The following ARHGAP12 variants were observed in gnomAD, a reference collection of about 807,000 sequenced individuals.
ARHGAP12 encodes Rho GTPase activating protein 12.
Under a neutral mutation model 108.6 loss-of-function variants are expected in ARHGAP12, and 64 were observed. That is an observed-to-expected ratio of 0.59 (90% confidence interval 0.48 to 0.73). ARHGAP12 has a LOEUF of 0.73. Among genes scored for constraint, ARHGAP12 ranks in the 30% least tolerant of loss-of-function variants. The pLI is 0.00. For missense variants in ARHGAP12, 940 were observed against 1,005.9 expected, an observed-to-expected ratio of 0.93 and a Z score of 0.89; for synonymous variants, 312 against 337.2, an observed-to-expected ratio of 0.93 and a Z score of 0.82.
At chr10:31,823,476 CA>C (rs529281463) in intron 11 of ARHGAP12, among the ~76,000 whole-genome samples, 512 of 127,584 alleles carry the variant, frequency 4.0e-3, no homozygotes, top group Admixed American at 3.8e-3. Flanking sequence ...CACTCTCTGC[CA>C]AAAAAAAAAA....
chr10:31,919,337 G>C (rs1434639029), intron 1 of ARHGAP12, among the ~76,000 whole-genome samples: 1 of 152,134 alleles, frequency 6.6e-6, no homozygotes, highest in Non-Finnish European at 1.5e-5. Context: ...TTTATTTGAT[G>C]CCACAGAACT....
chr10:31,845,825 A>T (rs1473219084), intron 6 of ARHGAP12, among the ~76,000 whole-genome samples: 1 of 152,098 alleles, frequency 6.6e-6, no homozygotes, highest in Non-Finnish European at 1.5e-5. Flanking sequence ...TCCTTACAGA[A>T]GCATATTCTT....
At chr10:31,895,663 T>C (rs1402740034) in intron 3 of ARHGAP12, among the ~76,000 whole-genome samples, 2 of 152,196 alleles carry the variant, frequency 1.3e-5, no homozygotes, top group Admixed American at 6.5e-5. Context: ...AGTTCAACCA[T>C]TGTGGAAGGC....
chr10:31,838,354 T>G (rs992817433), intron 9 of ARHGAP12, among the ~76,000 whole-genome samples: 8 of 152,102 alleles, frequency 5.3e-5, no homozygotes, highest in African/African-American at 1.9e-4. Context: ...TGCACAGCCT[T>G]GTCATGCTCA....
In ARHGAP12 at chr10:31,858,365, C is replaced by T. The variant is rs192379480; in HGVS notation, c.948+3030G>A. Among the ~76,000 whole-genome samples, 26 of 152,214 alleles carry T rather than the reference C, an allele frequency of 1.7e-4. 1 individual carries two copies. The highest frequency in any genetic ancestry group is 6.5e-5 in the Admixed American group (1 of 15,294). ...AGCAGCACAACAGCACACATAGATC[C>T]TATATGGCTTCAAGGAACAAGAAGA... On this transcript the variant is annotated intron_variant, in intron 4 of 19. Coordinates refer to ENST00000344936, the MANE Select transcript of ARHGAP12 (RefSeq NM_018287.7).
At chr10:31,920,590 G>C (rs1438264801) in intron 1 of ARHGAP12, among the ~76,000 whole-genome samples, 1 of 148,826 alleles carries the variant, frequency 6.7e-6, no homozygotes, top group Admixed American at 6.7e-5. Flanking sequence ...TATTCAAATT[G>C]ATTTTAACAA....
intron 3 of ARHGAP12, among the ~76,000 whole-genome samples, chr10:31,885,291 T>C (rs1031041072): frequency 6.6e-6 from 1 of 152,202 alleles, no homozygotes; most frequent in Non-Finnish European, 1.5e-5. Flanking sequence ...GAAACTATTT[T>C]TTCAATGTAA....
intron 11 of ARHGAP12, among the ~76,000 whole-genome samples, chr10:31,822,580 T>C (rs1472471761): frequency 2.6e-5 from 4 of 152,338 alleles, no homozygotes; most frequent in Admixed American, 6.5e-5. Context: ...ATTTTTAAGA[T>C]GAATGCTTTA....
chr10:31,839,062 G>GA (rs778312983), intron 9 of ARHGAP12, among the ~76,000 whole-genome samples: 26 of 151,996 alleles, frequency 1.7e-4, no homozygotes, highest in Non-Finnish European at 3.1e-4. Flanking sequence ...CATTGAAGGG[G>GA]AATAGCATGA....
chr10:31,897,359 C>T (rs886963889), intron 3 of ARHGAP12, among the ~76,000 whole-genome samples: 10 of 152,050 alleles, frequency 6.6e-5, no homozygotes, highest in African/African-American at 4.8e-5. Flanking sequence ...GCTCATGACG[C>T]ACACACACTA....
intron 6 of ARHGAP12, among the ~76,000 whole-genome samples, chr10:31,849,371 T>TA (rs1564388214): frequency 6.6e-6 from 1 of 152,196 alleles, no homozygotes; most frequent in Non-Finnish European, 1.5e-5. Flanking sequence ...TTTCCAAACT[T>TA]ACAACAAAAA....
At chr10:31,900,734 AC>A (rs1838883253) in intron 3 of ARHGAP12, among the ~76,000 whole-genome samples, 1 of 152,246 alleles carries the variant, frequency 6.6e-6, no homozygotes, top group African/African-American at 2.4e-5. Flanking sequence ...GGTAGTAATT[AC>A]ATCCTGTATG....
chr10:31,835,731 A>G (rs556776961), intron 9 of ARHGAP12, among the ~76,000 whole-genome samples: 1 of 152,334 alleles, frequency 6.6e-6, no homozygotes, highest in South Asian at 2.1e-4. Context: ...GAATAAGTAA[A>G]CTTGCACAAT....
chr10:31,805,761 CTGATTTGAGTCT>C lies in ARHGAP12; in HGVS notation c.*1885_*1896del, dbSNP rs1455300495. On this transcript the variant is annotated 3_prime_UTR_variant, in exon 20 of 20. Transcript: ENST00000344936. The stretch of plus-strand genomic sequence containing the variant: ...ATGAACACCAAGAACAAGAACATCA[CTGATTTGAGTCT>C]AATTGTTTTCCTGGTATACAATCAC... The C allele has an allele frequency of 6.6e-6, 1 of 151,882 alleles. No homozygotes were observed. Among genetic ancestry groups the C allele is most frequent in the Admixed American group, 6.6e-5 (1 of 15,248 alleles). The allele number at this position is 151,882 out of a possible 1,614,324, so 9.4% of individuals were successfully genotyped here. A position where few individuals can be genotyped will look rare whatever the true frequency, so the allele number is the denominator to read the frequency against.
intron 7 of ARHGAP12, among the ~76,000 whole-genome samples, chr10:31,842,263 T>C (rs1467596793): frequency 4.6e-5 from 7 of 152,034 alleles, no homozygotes; most frequent in Non-Finnish European, 8.8e-5. Context: ...ATTTGGGAGA[T>C]TCCTATTTAT....
At chr10:31,853,064 T>G (rs1348255907) in intron 5 of ARHGAP12, among the ~76,000 whole-genome samples, 1 of 152,170 alleles carries the variant, frequency 6.6e-6, no homozygotes, top group Non-Finnish European at 1.5e-5. Context: ...ACTAAAAGCC[T>G]TGCATTTTAA....
At chr10:31,916,670 G>A (rs1220332773) in intron 1 of ARHGAP12, among the ~76,000 whole-genome samples, 2 of 152,146 alleles carry the variant, frequency 1.3e-5, no homozygotes, top group Non-Finnish European at 2.9e-5. Flanking sequence ...AGGCTGGAGT[G>A]CAGTGGCGCC....
At chr10:31,892,024 G>A (rs1051481888) in intron 3 of ARHGAP12, among the ~76,000 whole-genome samples, 1 of 151,944 alleles carries the variant, frequency 6.6e-6, no homozygotes, top group Admixed American at 6.6e-5. Context: ...CAATGGGTTC[G>A]AACTTCTTCC....
intron 13 of ARHGAP12, among the ~76,000 whole-genome samples, chr10:31,815,237 T>C (rs1835163007): frequency 6.6e-6 from 1 of 152,162 alleles, no homozygotes; most frequent in Non-Finnish European, 1.5e-5. Context: ...TAAAAACCTT[T>C]GCTCTGCCTT....
Sources: allele counts gnomAD v4.1 joint callset (sites outside exome capture counted in the v4.1 genomes callset), GRCh38; gene constraint gnomAD v4.1.1; transcripts MANE v1.5; gene names NCBI Gene and HGNC (gene_info 2026-07-23, HGNC 2026-07-21).